Variants in SGCZ observed in about 807,000 individuals in gnomAD.
SGCZ encodes the protein zeta-sarcoglycan.
Under a neutral mutation model 41.3 loss-of-function variants are expected in SGCZ, and 40 were observed. That is an observed-to-expected ratio of 0.97 (90% CI 0.75 to 1.26). The LOEUF is 1.26. Ranked by LOEUF, SGCZ falls within the 50% of genes most tolerant of loss-of-function variation. SGCZ has a pLI of 0.00. For missense variants in SGCZ, 552 were observed against 369.8 expected (o/e 1.49, Z -4.04); for synonymous variants, 206 against 137.5 (o/e 1.50, Z -3.49).
At chr8:14,945,552 T>A (rs1195047187) in intron 1 of SGCZ, among the ~76,000 whole-genome samples, 1 of 151,930 alleles carries the variant, frequency 6.6e-6, no homozygotes, top group Non-Finnish European at 1.5e-5. Flanking sequence ...TCAGTTTGGG[T>A]GGATTAAGGA....
intron 2 of SGCZ, among the ~76,000 whole-genome samples, chr8:14,514,460 A>T (rs1472034175): frequency 6.6e-6 from 1 of 151,962 alleles, no homozygotes; most frequent in African/African-American, 2.4e-5. Context: ...AAATGAGAAG[A>T]ATATGTATAC....
intron 1 of SGCZ, among the ~76,000 whole-genome samples, chr8:14,844,340 G>C (rs1309716366): frequency 6.6e-6 from 1 of 152,006 alleles, no homozygotes; most frequent in Non-Finnish European, 1.5e-5. Context: ...TTATTCTCTT[G>C]TCCCTTCCCT....
At chr8:14,942,780 G>C (rs549749994) in intron 1 of SGCZ, among the ~76,000 whole-genome samples, 1 of 152,006 alleles carries the variant, frequency 6.6e-6, no homozygotes, top group Admixed American at 6.6e-5. Flanking sequence ...CCCTCTTTCA[G>C]GTGCTTTGAT....
chr8:14,246,359 C>G (rs538500856), intron 3 of SGCZ, among the ~76,000 whole-genome samples: 19 of 151,926 alleles, frequency 1.3e-4, no homozygotes, highest in African/African-American at 3.9e-4. Flanking sequence ...AAAAACCAAT[C>G]ACTGCATGTT....
chr8:15,007,329 T>C (rs1320900562), intron 1 of SGCZ, among the ~76,000 whole-genome samples: 3 of 152,196 alleles, frequency 2.0e-5, no homozygotes, highest in Non-Finnish European at 2.9e-5. Context: ...AAAATTTAAA[T>C]GTAACTTTTG....
chr8:14,887,713 G>A (rs1804863289), intron 1 of SGCZ, among the ~76,000 whole-genome samples: 1 of 152,118 alleles, frequency 6.6e-6, no homozygotes, highest in African/African-American at 2.4e-5. Context: ...ACAGGAAAGA[G>A]TTAATAACTG....
chr8:14,092,141 T>C (rs1380025777), intron 7 of SGCZ, among the ~76,000 whole-genome samples: 2 of 152,074 alleles, frequency 1.3e-5, no homozygotes, highest in African/African-American at 2.4e-5. Context: ...TATCTAGTGT[T>C]ATTGCTGAGG....
At chr8:14,402,663 C>T (rs1175449696) in intron 2 of SGCZ, among the ~76,000 whole-genome samples, 1 of 142,714 alleles carries the variant, frequency 7.0e-6, no homozygotes, top group Admixed American at 6.7e-5. Flanking sequence ...TGTTTTGGTA[C>T]CAGTACCACG....
At chr8:14,164,526 G>T (rs1457242489) in intron 5 of SGCZ, 54 bp downstream of exon 5, 2 of 1,604,014 alleles carry the variant, frequency 1.2e-6, no homozygotes, top group East Asian at 4.5e-5. Context: ...TCCTTGTGCA[G>T]TTGTATATTC....
At chr8:15,130,778 A>G (rs1422007899) in intron 1 of SGCZ, among the ~76,000 whole-genome samples, 1 of 152,188 alleles carries the variant, frequency 6.6e-6, no homozygotes, top group East Asian at 1.9e-4. Flanking sequence ...ACTACCTAAG[A>G]TTATATGCCT....
intron 1 of SGCZ, among the ~76,000 whole-genome samples, chr8:15,206,582 G>T (rs1267564789): frequency 6.6e-6 from 1 of 151,782 alleles, no homozygotes; most frequent in Non-Finnish European, 1.5e-5. Flanking sequence ...CGGAGTAGCT[G>T]GGATTACAGG....
At chr8:14,375,011 C>A (rs939711101) in intron 2 of SGCZ, among the ~76,000 whole-genome samples, 14 of 152,034 alleles carry the variant, frequency 9.2e-5, no homozygotes, top group African/African-American at 3.4e-4. Flanking sequence ...CTAGGTATGA[C>A]TATGTGGATG....
intron 3 of SGCZ, among the ~76,000 whole-genome samples, chr8:14,301,183 G>C (rs1464351420): frequency 1.3e-5 from 2 of 151,808 alleles, no homozygotes; most frequent in African/African-American, 4.8e-5. Context: ...GTATTAACAT[G>C]TACAACCTTC....
intron 1 of SGCZ, among the ~76,000 whole-genome samples, chr8:15,016,090 A>G (rs1437570397): frequency 6.6e-6 from 1 of 152,172 alleles, no homozygotes; most frequent in African/African-American, 2.4e-5. Context: ...CATAACGAGT[A>G]AAATATATAG....
intron 4 of SGCZ, among the ~76,000 whole-genome samples, chr8:14,196,364 A>G (rs920217733): frequency 6.6e-6 from 1 of 151,960 alleles, no homozygotes; most frequent in African/African-American, 2.4e-5. Context: ...CCTGGGTTCA[A>G]GTTATTCTCC....
chr8:14,951,444 T>A (rs1800635061), intron 1 of SGCZ, among the ~76,000 whole-genome samples: 1 of 152,038 alleles, frequency 6.6e-6, no homozygotes, highest in Non-Finnish European at 1.5e-5. Flanking sequence ...ATACTGACCA[T>A]AATAACTTAT....
chr8:14,676,966 C>A (rs1313133654), intron 1 of SGCZ, among the ~76,000 whole-genome samples: 2 of 150,050 alleles, frequency 1.3e-5, no homozygotes, highest in Non-Finnish European at 3.0e-5. Flanking sequence ...CTAGTTAATG[C>A]AATAAGAAAG....
rs1354050947 is a variant in SGCZ, at chr8:15,237,051, G to C, written c.39+534C>G. Among the ~76,000 whole-genome samples, 3 of 152,316 alleles carry C rather than the reference G, an allele frequency of 2.0e-5. No homozygotes were observed. In the East Asian group the frequency reaches 5.8e-4, roughly 29 times the overall value. On this transcript the variant is annotated intron_variant, in intron 1 of 7. Coordinates refer to ENST00000382080, the MANE Select transcript of SGCZ (RefSeq NM_139167.4). ...GCCCGCGGGCGGTGGGAGGGAAAAG[G>C]GGTCTCACGAAGTTCTGGGATAAAA...
intron 1 of SGCZ, among the ~76,000 whole-genome samples, chr8:14,968,092 G>T (rs1407892107): frequency 6.6e-6 from 1 of 152,104 alleles, no homozygotes; most frequent in African/African-American, 2.4e-5. Flanking sequence ...ATAAAATGTG[G>T]CCATTTTGGT....
Sources: gnomAD v4.1 joint callset for allele counts (sites outside exome capture counted in the v4.1 genomes callset) on GRCh38, gnomAD v4.1.1 for gene constraint, MANE v1.5 for transcripts, NCBI Gene and HGNC (gene_info 2026-07-23, HGNC 2026-07-21) for gene names.